GABRA1: variants seen among roughly 807,000 people sequenced by gnomAD.
GABRA1 encodes the protein gamma-aminobutyric acid receptor subunit alpha-1.
GABRA1 carries 9 observed loss-of-function variants against 48.9 expected under a neutral mutation model. The observed-to-expected ratio is 0.18, with a 90% CI of 0.11 to 0.32. The LOEUF (loss-of-function observed/expected upper bound fraction) is 0.32. Ranked by LOEUF, GABRA1 falls within the 10% of genes least tolerant of loss-of-function variation. The pLI is 1.00. For synonymous variants in GABRA1, 210 were observed against 198.7 expected, an observed-to-expected ratio of 1.06 and a Z score of -0.48; for missense variants, 285 against 553.8, an observed-to-expected ratio of 0.51 and a Z score of 4.87.
chr5:161,850,880 A>T lies in GABRA1; in HGVS notation c.70A>T (p.Arg24Ter). 6.2e-7 allele frequency: 1 copy of T among 1,613,382 alleles called. No homozygotes were observed. Among genetic ancestry groups the T allele is most frequent in the Non-Finnish European group, 8.5e-7 (1 of 1,179,362 alleles). ...CCTCCTTCTGAGCACACTGACTGGA[A>T]GAAGGTGGGGACACTTTTTTAAAAA... ...WILLLSTLTG[R>*]SYGQPSLQDE... Residue 24 changes from arginine (R) to a stop codon, truncating the protein, a stop_gained, in exon 2 of 10, where the codon AGA becomes TGA. Coordinates refer to ENST00000393943, the MANE Select transcript of GABRA1 (RefSeq NM_001127644.2). LOFTEE classifies it high-confidence loss of function.
intron 3 of GABRA1, among the ~76,000 whole-genome samples, chr5:161,864,812 A>T (rs544041678): frequency 0.1 from 7,708 of 74,162 alleles, 306 homozygotes; most frequent in Non-Finnish European, 0.13. Context: ...AAAATAATTT[A>T]AAAAGTAAAT....
At chr5:161,893,009 A>AATAATAATAATAATAAT (rs3078111) in intron 8 of GABRA1, among the ~76,000 whole-genome samples, 1 of 122,432 alleles carries the variant, frequency 8.2e-6, no homozygotes, top group African/African-American at 3.5e-5. Context: ...CTTCTCAAAA[A>AATAATAATAATAATAAT]AATAATAATA....
intron 7 of GABRA1, among the ~76,000 whole-genome samples, chr5:161,889,685 T>C (rs1341539474): frequency 6.6e-6 from 1 of 152,056 alleles, no homozygotes. Context: ...GGAAGTTTGC[T>C]TGTTACTTTG....
intron 8 of GABRA1, among the ~76,000 whole-genome samples, chr5:161,895,327 T>C (rs1318717337): frequency 6.6e-6 from 1 of 152,150 alleles, no homozygotes; most frequent in Non-Finnish European, 1.5e-5. Context: ...GATTTCTATA[T>C]CAAGAACTAG....
At chr5:161,878,919 T>C (rs894786867) in intron 6 of GABRA1, among the ~76,000 whole-genome samples, 5 of 152,170 alleles carry the variant, frequency 3.3e-5, no homozygotes, top group African/African-American at 1.2e-4. Flanking sequence ...GAATGAATTC[T>C]GAACAATGTA....
intron 4 of GABRA1, among the ~76,000 whole-genome samples, chr5:161,870,347 A>G (rs1381194209): frequency 6.6e-6 from 1 of 152,074 alleles, no homozygotes; most frequent in African/African-American, 2.4e-5. Context: ...GGATCACCTG[A>G]GGTCAGGAGT....
Position 161,849,273 on chromosome 5 carries a change from T to A in GABRA1, c.-16+851T>A, listed in dbSNP as rs10079622. Among the ~76,000 whole-genome samples, 7,240 of 152,272 alleles carry A rather than the reference T, an allele frequency of 0.048. 577 individuals are homozygous for A. Among genetic ancestry groups the A allele is most frequent in the African/African-American group, 0.16 (6,657 of 41,540 alleles). ...TGTTTACCCATTCAGATATTCAATC[T>A]TTTTAAAAAGATCAACAAAAATTAA... On this transcript the variant is annotated intron_variant, in intron 1 of 9. Transcript: ENST00000393943.
At chr5:161,849,041 G>C (rs868595489) in intron 1 of GABRA1, 4 of 451,112 alleles carry the variant, frequency 8.9e-6, no homozygotes, top group Middle Eastern at 3.2e-4. Flanking sequence ...GGATGGTAAC[G>C]TTTGGAGCGT....
Position 161,875,780 on chromosome 5 carries a change from T to C in GABRA1, c.559+138T>C, listed in dbSNP as rs888993092. 3 of 713,178 alleles carry C rather than the reference T, an allele frequency of 4.2e-6. No homozygotes were observed. In the African/African-American group the frequency reaches 5.3e-5, roughly 13 times the overall value. The allele number at this position is 713,178 out of a possible 1,614,324, so 44.2% of individuals were successfully genotyped here. A position where few individuals can be genotyped will look rare whatever the true frequency, so the allele number is the denominator to read the frequency against. On this transcript the variant is annotated intron_variant, in intron 6 of 9. Coordinates refer to ENST00000393943, the MANE Select transcript of GABRA1 (RefSeq NM_001127644.2). ...ATATACCACATGGACTTTCCATAAGTAGTGCTCTGTGACTTCACTTTTTAA... is the reference window on the plus strand; with the variant it reads ...ATATACCACATGGACTTTCCATAAGCAGTGCTCTGTGACTTCACTTTTTAA...
At chr5:161,882,399 G>C in intron 6 of GABRA1, 159 bp from the exon 7 acceptor site, 1 of 666,582 alleles carries the variant, frequency 1.5e-6, no homozygotes, top group African/African-American at 1.8e-5. Context: ...ATCAGAAAAC[G>C]TGTTTTAGTT....
At chr5:161,885,741 T>C (rs1257587005) in intron 7 of GABRA1, among the ~76,000 whole-genome samples, 1 of 152,180 alleles carries the variant, frequency 6.6e-6, no homozygotes, top group Non-Finnish European at 1.5e-5. Context: ...TAGTTTTAAG[T>C]GTACTTACTC....
chr5:161,850,962 C>A (rs1175423474), intron 2 of GABRA1, 78 bp downstream of exon 2: 2 of 1,241,000 alleles, frequency 1.6e-6, no homozygotes, highest in South Asian at 1.2e-5. Context: ...GAAAATTGTC[C>A]TCAAATGAAT....
At chr5:161,888,088 T>C (rs1252631238) in intron 7 of GABRA1, among the ~76,000 whole-genome samples, 1 of 152,092 alleles carries the variant, frequency 6.6e-6, no homozygotes, top group Non-Finnish European at 1.5e-5. Flanking sequence ...AGAAATATTG[T>C]CACATCTAAT....
intron 7 of GABRA1, among the ~76,000 whole-genome samples, chr5:161,886,367 A>G (rs1205209450): frequency 6.7e-6 from 1 of 149,654 alleles, no homozygotes. Context: ...TTTTGTATGT[A>G]TCTTTTTCAT....
At chr5:161,877,520 T>C (rs1754413043) in intron 6 of GABRA1, among the ~76,000 whole-genome samples, 1 of 152,136 alleles carries the variant, frequency 6.6e-6, no homozygotes, top group Non-Finnish European at 1.5e-5. Flanking sequence ...ATTCTGTTTG[T>C]GATAGAAGGT....
chr5:161,880,811 A>C (rs1754582385), intron 6 of GABRA1, among the ~76,000 whole-genome samples: 1 of 152,116 alleles, frequency 6.6e-6, no homozygotes, highest in Non-Finnish European at 1.5e-5. Context: ...AGACAGCCTT[A>C]TTTTCATGTA....
At chr5:161,858,027 A>G (rs946879365) in intron 3 of GABRA1, among the ~76,000 whole-genome samples, 2 of 151,364 alleles carry the variant, frequency 1.3e-5, no homozygotes, top group Non-Finnish European at 3.0e-5. Context: ...GAAAATAAAG[A>G]GAGAACAGAG....
Position 161,897,619 on chromosome 5 carries a change from A to G in GABRA1, c.*197A>G, listed in dbSNP as rs1755430330. On this transcript the variant is annotated 3_prime_UTR_variant, in exon 10 of 10. Transcript: ENST00000393943. ...GCAGACTATGCAGCTTGGAGACAGG[A>G]TTCTGACAGAGCAAGCGAAAGAGCA... 1.7e-6 allele frequency: 1 copy of G among 593,334 alleles called. No individual in the cohort carries two copies. Among genetic ancestry groups the G allele is most frequent in the Middle Eastern group, 3.8e-4 (1 of 2,618 alleles). 36.8% of individuals were successfully genotyped at this position (593,334 alleles called of 1,614,324 possible). A position where few individuals can be genotyped will look rare whatever the true frequency, so the allele number is the denominator to read the frequency against.
intron 5 of GABRA1, 116 bp from the exon 6 acceptor site, chr5:161,875,444 C>T: frequency 1.2e-6 from 1 of 823,356 alleles, no homozygotes; most frequent in South Asian, 1.4e-5. Flanking sequence ...CAGCATAACC[C>T]TGCAATTATG....
Sources: gnomAD v4.1 joint callset for allele counts (sites outside exome capture counted in the v4.1 genomes callset) on GRCh38, gnomAD v4.1.1 for gene constraint, MANE v1.5 for transcripts, NCBI Gene and HGNC (gene_info 2026-07-23, HGNC 2026-07-21) for gene names.